Variants in DLG2 observed in about 807,000 individuals in gnomAD.
DLG2 encodes the protein disks large homolog 2.
A neutral mutation model predicts 132.5 loss-of-function variants in DLG2; 45 were observed. The ratio of observed to expected loss-of-function variants is 0.34; its 90% CI spans 0.27 to 0.44. The LOEUF is 0.44. Ranked by LOEUF, DLG2 falls within the 20% of genes least tolerant of loss-of-function variation. The pLI, the probability that DLG2 is intolerant of heterozygous loss-of-function variation, is 1.00. For missense variants in DLG2, 1,045 were observed against 1,196.9 expected, an observed-to-expected ratio of 0.87 and a Z score of 1.87; for synonymous variants, 424 against 419.6, an observed-to-expected ratio of 1.01 and a Z score of -0.13.
chr11:85,169,076 C>G (rs1169309402), intron 4 of DLG2, among the ~76,000 whole-genome samples: 2 of 152,098 alleles, frequency 1.3e-5, no homozygotes, highest in Non-Finnish European at 2.9e-5. Flanking sequence ...TTGCATATAA[C>G]CTACACATAT....
chr11:85,524,177 G>A (rs2074553399), intron 3 of DLG2, among the ~76,000 whole-genome samples: 1 of 152,092 alleles, frequency 6.6e-6, no homozygotes, highest in Admixed American at 6.6e-5. Flanking sequence ...CTAGTATTTG[G>A]TAGCAAAGCA....
At position 83,661,874 on chromosome 11, in the gene DLG2, C is replaced by T. The variant is rs75919291; in HGVS notation, c.1826-28549G>A. 7.5e-3 allele frequency among the ~76,000 whole-genome samples: 1,147 copies of T among 152,256 alleles called. 10 individuals carry two copies. Among genetic ancestry groups the T allele is most frequent in the African/African-American group, 0.026 (1,079 of 41,536 alleles). On this transcript the variant is annotated intron_variant, in intron 18 of 27. Coordinates refer to ENST00000376104, the MANE Select transcript of DLG2 (RefSeq NM_001142699.3). ...TGACTGACAAAGCATCAGGACAGAG[C>T]GAATGAATCATTCATGTAAATGACA... is the stretch of plus-strand genomic sequence containing the variant.
chr11:83,769,537 C>T (rs2094292363), intron 18 of DLG2, among the ~76,000 whole-genome samples: 1 of 150,024 alleles, frequency 6.7e-6, no homozygotes, highest in Non-Finnish European at 1.5e-5. Context: ...GGAAGGCTTC[C>T]TAGAGGAGAA....
At chr11:85,059,735 G>C (rs1248946948) in intron 6 of DLG2, among the ~76,000 whole-genome samples, 1 of 151,572 alleles carries the variant, frequency 6.6e-6, no homozygotes, top group African/African-American at 2.4e-5. Context: ...AAAAGTCAGA[G>C]GAGTGGTTAT....
chr11:84,185,557 C>A (rs1293591858), intron 8 of DLG2, among the ~76,000 whole-genome samples: 2 of 152,118 alleles, frequency 1.3e-5, no homozygotes, highest in Non-Finnish European at 2.9e-5. Flanking sequence ...ATTGAATACC[C>A]TTTATTTCCT....
chr11:85,387,094 G>A (rs1363624830), intron 3 of DLG2, among the ~76,000 whole-genome samples: 4 of 151,986 alleles, frequency 2.6e-5, no homozygotes, highest in Non-Finnish European at 5.9e-5. Flanking sequence ...CACCTGTCTG[G>A]TCAGGCTGGT....
chr11:85,393,641 G>C (rs2087009105), intron 3 of DLG2, among the ~76,000 whole-genome samples: 1 of 151,360 alleles, frequency 6.6e-6, no homozygotes, highest in Non-Finnish European at 1.5e-5. Flanking sequence ...GTGTGTGTGT[G>C]TGTGTGTGTG....
intron 17 of DLG2, among the ~76,000 whole-genome samples, chr11:83,797,961 C>T (rs1230585530): frequency 2.0e-5 from 3 of 152,154 alleles, no homozygotes; most frequent in Non-Finnish European, 4.4e-5. Flanking sequence ...CATTCTTGTG[C>T]CCCAGGAGTG....
chr11:84,202,584 A>G (rs4944470), intron 8 of DLG2, among the ~76,000 whole-genome samples: 117,321 of 152,168 alleles, frequency 0.77, 47,479 homozygotes, highest in Middle Eastern at 0.93. Context: ...GAAGACACCA[A>G]AAGCAATTGA....
At chr11:83,603,701 A>G (rs2058909579) in intron 19 of DLG2, among the ~76,000 whole-genome samples, 1 of 152,160 alleles carries the variant, frequency 6.6e-6, no homozygotes, top group African/African-American at 2.4e-5. Flanking sequence ...GTGGTGCCTT[A>G]TTGCAGTTTA....
intron 6 of DLG2, among the ~76,000 whole-genome samples, chr11:84,729,272 C>T (rs893538621): frequency 9.9e-5 from 15 of 151,932 alleles, no homozygotes; most frequent in Admixed American, 7.2e-4. Flanking sequence ...CCAGGGATTC[C>T]GGTACATTGT....
chr11:83,553,889 CTTTTT>C (rs57434000), intron 19 of DLG2, among the ~76,000 whole-genome samples: 1 of 142,888 alleles, frequency 7.0e-6, no homozygotes, highest in African/African-American at 2.6e-5. Flanking sequence ...ACAATCTTTT[CTTTTT>C]TTTTCTTTTT....
intron 7 of DLG2, among the ~76,000 whole-genome samples, chr11:84,485,300 C>A: frequency 6.6e-6 from 1 of 152,046 alleles, no homozygotes; most frequent in Non-Finnish European, 1.5e-5. Context: ...CAATAACAAA[C>A]AATACCCAAT....
At chr11:84,973,846 C>T (rs3911272) in intron 6 of DLG2, among the ~76,000 whole-genome samples, 2,799 of 152,150 alleles carry the variant, frequency 0.018, 35 homozygotes, top group Middle Eastern at 0.037. Flanking sequence ...TTTATAGATA[C>T]TGAAATTTGA....
At chr11:84,578,706 C>T (rs527972935) in intron 6 of DLG2, among the ~76,000 whole-genome samples, 6 of 152,144 alleles carry the variant, frequency 3.9e-5, no homozygotes, top group South Asian at 4.2e-4. Flanking sequence ...GACTTTGGAC[C>T]GTGGACTTTT....
intron 4 of DLG2, among the ~76,000 whole-genome samples, chr11:85,250,066 CA>C (rs1164150378): frequency 6.6e-6 from 1 of 152,080 alleles, no homozygotes; most frequent in Non-Finnish European, 1.5e-5. Flanking sequence ...GAAATTTTTA[CA>C]GGGGCCCAGC....
intron 6 of DLG2, among the ~76,000 whole-genome samples, chr11:84,868,752 A>G (rs1287534870): frequency 6.6e-6 from 1 of 152,236 alleles, no homozygotes; most frequent in African/African-American, 2.4e-5. Flanking sequence ...GACGTTGCCA[A>G]TATCTCAGAC....
At chr11:84,566,220 C>A (rs565803594) in intron 6 of DLG2, among the ~76,000 whole-genome samples, 40 of 152,138 alleles carry the variant, frequency 2.6e-4, no homozygotes, top group African/African-American at 9.4e-4. Context: ...TCCTCGGCAT[C>A]CCAAAGTGCT....
At chr11:84,336,122 G>T (rs752354271) in intron 7 of DLG2, among the ~76,000 whole-genome samples, 5 of 152,002 alleles carry the variant, frequency 3.3e-5, no homozygotes, top group Non-Finnish European at 4.4e-5. Context: ...TCTCATTTTG[G>T]GGGGGCCCAT....
Sources: gnomAD v4.1 joint callset for allele counts (sites outside exome capture counted in the v4.1 genomes callset) on GRCh38, gnomAD v4.1.1 for gene constraint, MANE v1.5 for transcripts, NCBI Gene and HGNC (gene_info 2026-07-23, HGNC 2026-07-21) for gene names.